The following PARP15 variants were observed in gnomAD, a reference collection of about 807,000 sequenced individuals.
The protein encoded by PARP15 is protein mono-ADP-ribosyltransferase PARP15.
A neutral mutation model predicts 62.1 loss-of-function variants in PARP15; 50 were observed. That is an observed-to-expected ratio of 0.81 (90% CI 0.64 to 1.02). The LOEUF is 1.02. PARP15 is among the 50% of genes least tolerant of loss of function. The pLI, the probability that PARP15 is intolerant of heterozygous loss-of-function variation, is 0.00. For synonymous variants in PARP15, 309 were observed against 293.1 expected, an observed-to-expected ratio of 1.05 and a Z score of -0.55; for missense variants, 820 against 826.5, an observed-to-expected ratio of 0.99 and a Z score of 0.10.
At chr3:122,617,208 T>C (rs1250667467) in intron 6 of PARP15, 44 bp downstream of exon 6, 6 of 1,557,892 alleles carry the variant, frequency 3.9e-6, no homozygotes, top group Non-Finnish European at 5.3e-6. Flanking sequence ...GTATGACTAA[T>C]TTCTGGAAGG....
intron 3 of PARP15, among the ~76,000 whole-genome samples, chr3:122,612,765 G>A (rs1203408048): frequency 1.3e-5 from 2 of 151,846 alleles, no homozygotes; most frequent in Non-Finnish European, 2.9e-5. Context: ...AATACTGCAT[G>A]TTGTTAAAGA....
intron 1 of PARP15, among the ~76,000 whole-genome samples, chr3:122,593,438 G>C (rs1246033333): frequency 6.6e-6 from 1 of 151,974 alleles, no homozygotes; most frequent in African/African-American, 2.4e-5. Context: ...CACTGCGCCT[G>C]GCCAATTTAT....
chr3:122,600,439 A>G (rs1170013514), intron 1 of PARP15, among the ~76,000 whole-genome samples: 1 of 152,170 alleles, frequency 6.6e-6, no homozygotes, highest in South Asian at 2.1e-4. Context: ...ATAGCTGTAC[A>G]TACCAACTTA....
At chr3:122,593,459 AC>A (rs1313130662) in intron 1 of PARP15, among the ~76,000 whole-genome samples, 2 of 152,140 alleles carry the variant, frequency 1.3e-5, no homozygotes, top group East Asian at 1.9e-4. Flanking sequence ...ATTTTTAAAT[AC>A]GTTTTTATCT....
At chr3:122,626,718 T>C (rs1303582590) in intron 8 of PARP15, 109 bp from the exon 9 acceptor site, 1 of 947,884 alleles carries the variant, frequency 1.1e-6, no homozygotes, top group African/African-American at 1.7e-5. Flanking sequence ...GATCAATTCC[T>C]GGCTGTGAGG....
intron 1 of PARP15, among the ~76,000 whole-genome samples, chr3:122,591,983 C>T (rs1313265334): frequency 6.6e-6 from 1 of 152,098 alleles, no homozygotes; most frequent in Non-Finnish European, 1.5e-5. Context: ...TGCTTTTACA[C>T]TGTTGGTGGG....
chr3:122,588,175 T>C (rs1177466361), intron 1 of PARP15, among the ~76,000 whole-genome samples: 1 of 152,142 alleles, frequency 6.6e-6, no homozygotes, highest in East Asian at 1.9e-4. Flanking sequence ...CATGTTAGTG[T>C]CTTGAGATTA....
At position 122,635,147 on chromosome 3, in the gene PARP15, C is replaced by T. The variant is rs1937279125; in HGVS notation, c.1700C>T (p.Pro567Leu). 1.2e-6 allele frequency: 2 copies of T among 1,613,928 alleles called. No individual in the cohort carries two copies. The stretch of plus-strand genomic sequence containing the variant: ...CATGGGACAGATGCAGACTCAGTGC[C>T]ATATGTCAATCAGCACGGCTTTAAT... ...LFHGTDADSV[P>L]YVNQHGFNRS... Residue 567 changes from proline to leucine, a missense_variant, in exon 11 of 12, where the codon CCA (proline) becomes CTA (leucine). This residue lies in a region of PARP15 where 731 missense variants were observed against 727.7 expected (regional missense o/e 1.00). Transcript: ENST00000464300.
intron 8 of PARP15, among the ~76,000 whole-genome samples, chr3:122,624,152 G>GA (rs149635499): frequency 0.15 from 21,875 of 142,582 alleles, 2,080 homozygotes; most frequent in East Asian, 0.24. Context: ...CTCTATCTCG[G>GA]AAAAAAAAAA....
intron 2 of PARP15, 78 bp from the exon 3 acceptor site, chr3:122,610,416 C>T (rs763381226): frequency 3.4e-5 from 44 of 1,293,084 alleles, no homozygotes; most frequent in Non-Finnish European, 4.2e-5. Flanking sequence ...CATTACCCCA[C>T]AATACTTAGT....
chr3:122,616,827 G>A (rs756433136), intron 5 of PARP15, among the ~76,000 whole-genome samples, 188 bp from the exon 6 acceptor site: 9 of 152,046 alleles, frequency 5.9e-5, no homozygotes, highest in Non-Finnish European at 1.2e-4. Flanking sequence ...GTCACAAAGC[G>A]TTATTTTCTA....
intron 1 of PARP15, among the ~76,000 whole-genome samples, chr3:122,601,610 C>CT (rs1934801543): frequency 6.6e-6 from 1 of 152,192 alleles, no homozygotes; most frequent in East Asian, 1.9e-4. Context: ...AGTTCTTTTT[C>CT]TTTTTAGTGC....
In PARP15 at chr3:122,590,553, C is replaced by T. The variant is rs191204846; in HGVS notation, c.186+12700C>T. On this transcript the variant is annotated intron_variant, in intron 1 of 11. Transcript: ENST00000464300. ...CCTCCCAAAGTGCTGGGATTACAGGCGTGAGCCACCGTGCCCAGCCCCAAA... is the reference window on the plus strand; with the variant it reads ...CCTCCCAAAGTGCTGGGATTACAGGTGTGAGCCACCGTGCCCAGCCCCAAA... Among the ~76,000 whole-genome samples the T allele has an allele frequency of 6.6e-5, 10 of 152,280 alleles. No individual in the cohort carries two copies. The East Asian group carries it at 1.9e-3, about 29-fold the overall frequency.
rs962024803 is a variant in PARP15 at position 122,596,124 on chromosome 3, C to T, written c.187-9812C>T. Among the ~76,000 whole-genome samples, 46 of 151,642 alleles carry T rather than the reference C, an allele frequency of 3.0e-4. 1 individual carries two copies. The highest frequency in any genetic ancestry group is 4.2e-4 in the South Asian group (2 of 4,802). On this transcript the variant is annotated intron_variant, in intron 1 of 11. Transcript: ENST00000464300. ...CTGTAATCCCAGCACTTTGGGAGGCCGAGGCAGGTGGATCACAAGATCAGG... is the reference window on the plus strand; with the variant it reads ...CTGTAATCCCAGCACTTTGGGAGGCTGAGGCAGGTGGATCACAAGATCAGG...
chr3:122,591,750 G>A (rs1461437806), intron 1 of PARP15, among the ~76,000 whole-genome samples: 5 of 119,756 alleles, frequency 4.2e-5, no homozygotes, highest in Admixed American at 4.0e-4. Context: ...TGGTGACAGA[G>A]CGAGACTCTG....
In PARP15 at chr3:122,610,444, A is replaced by G. The variant is rs910564324; in HGVS notation, c.307-50A>G. ...TACTTAGTAAATTTACAGTTGCTCC[A>G]TCATTATGTATTATTGATTCAATCT... On this transcript the variant is annotated intron_variant, in intron 2 of 11. Coordinates refer to ENST00000464300, the MANE Select transcript of PARP15 (RefSeq NM_001113523.3). The G allele has an allele frequency of 6.2e-6, 9 of 1,446,344 alleles. No homozygotes were observed. The East Asian group carries it at 9.9e-5, about 16-fold the overall frequency. The allele number at this position is 1,446,344 out of a possible 1,614,324, so 89.6% of individuals were successfully genotyped here.
chr3:122,603,847 A>G (rs1269862767), intron 1 of PARP15, among the ~76,000 whole-genome samples: 1 of 152,222 alleles, frequency 6.6e-6, no homozygotes, highest in Non-Finnish European at 1.5e-5. Context: ...CTGAAAAATA[A>G]TCAAAGACAA....
rs146493543 is a variant in PARP15, at chr3:122,636,048, T to C, written c.1985T>C (p.Val662Ala). The change falls in exon 12 of 12, where the codon GTA becomes GCA. Residue 662 changes from valine to alanine, a missense_variant. Coordinates refer to ENST00000464300, the MANE Select transcript of PARP15 (RefSeq NM_001113523.3). ...NNTRSPKLFV[V>A]FFDNQAYPEY... is the part of the protein sequence containing the mutation. The stretch of plus-strand genomic sequence containing the variant: ...ACACGATCTCCAAAGCTATTTGTGG[T>C]ATTCTTTGATAATCAGGCTTACCCA... The C allele has an allele frequency of 1.0e-3, 1,658 of 1,614,058 alleles. 17 individuals carry two copies. In the African/African-American group the frequency reaches 0.018, roughly 17 times the overall value.
intron 9 of PARP15, among the ~76,000 whole-genome samples, 170 bp downstream of exon 9, chr3:122,627,203 G>A (rs906082371): frequency 1.3e-5 from 2 of 152,140 alleles, no homozygotes; most frequent in Non-Finnish European, 2.9e-5. Context: ...GCAACCTCCT[G>A]TCAACTGATT....
Sources: gnomAD v4.1 joint callset for allele counts (sites outside exome capture counted in the v4.1 genomes callset) on GRCh38, gnomAD v4.1.1 for gene constraint, gnomAD v4.1.1 regional missense constraint, MANE v1.5 for transcripts, NCBI Gene and HGNC (gene_info 2026-07-23, HGNC 2026-07-21) for gene names.